FHIT: variants seen among roughly 807,000 people sequenced by gnomAD.
FHIT encodes fragile histidine triad diadenosine triphosphatase, also known as bis(5'-adenosyl)-triphosphatase.
A neutral mutation model predicts 17.9 loss-of-function variants in FHIT; 19 were observed. That is an observed-to-expected ratio of 1.06 (90% confidence interval 0.74 to 1.56). The LOEUF (loss-of-function observed/expected upper bound fraction) is 1.56. Among genes scored for constraint, FHIT ranks in the 40% most tolerant of loss-of-function variants. The probability of loss-of-function intolerance (pLI) is 0.00; values close to 1 mark genes in which losing one functional copy is unlikely to be tolerated. For synonymous variants in FHIT, 81 were observed against 69.7 expected, an observed-to-expected ratio of 1.16 and a Z score of -0.81; for missense variants, 248 against 189.2, an observed-to-expected ratio of 1.31 and a Z score of -1.82.
intron 5 of FHIT, among the ~76,000 whole-genome samples, chr3:60,515,200 G>A (rs1227359296): frequency 1.3e-5 from 2 of 152,192 alleles, no homozygotes; most frequent in Non-Finnish European, 2.9e-5. Context: ...GTGAGCGGAA[G>A]CTGGGAAGAA....
intron 5 of FHIT, among the ~76,000 whole-genome samples, chr3:60,187,572 T>G (rs919917617): frequency 2.0e-5 from 3 of 152,160 alleles, no homozygotes; most frequent in South Asian, 4.1e-4. Flanking sequence ...CTTACAAAAA[T>G]GGCATTCTGC....
At chr3:60,334,653 T>C (rs556237281) in intron 5 of FHIT, among the ~76,000 whole-genome samples, 1 of 152,082 alleles carries the variant, frequency 6.6e-6, no homozygotes, top group Non-Finnish European at 1.5e-5. Flanking sequence ...CAGGTGGGGT[T>C]GTGTGTGCCT....
chr3:60,704,241 G>C (rs1325172634), intron 4 of FHIT, among the ~76,000 whole-genome samples: 1 of 152,072 alleles, frequency 6.6e-6, no homozygotes, highest in African/African-American at 2.4e-5. Context: ...AACCTAGATG[G>C]TTTGTCTTCA....
chr3:61,100,602 T>C (rs2035789045), intron 2 of FHIT, among the ~76,000 whole-genome samples: 1 of 152,226 alleles, frequency 6.6e-6, no homozygotes, highest in African/African-American at 2.4e-5. Flanking sequence ...GGTCAAATGG[T>C]AATTCTAGTT....
At chr3:61,113,921 T>C (rs967128495) in intron 2 of FHIT, among the ~76,000 whole-genome samples, 3 of 152,198 alleles carry the variant, frequency 2.0e-5, no homozygotes, top group African/African-American at 7.2e-5. Flanking sequence ...CTGAGCTGAA[T>C]AGTCTGTTGC....
At chr3:61,081,598 A>G (rs1431948402) in intron 2 of FHIT, among the ~76,000 whole-genome samples, 7 of 152,152 alleles carry the variant, frequency 4.6e-5, no homozygotes, top group Non-Finnish European at 1.0e-4. Context: ...TCCCTCTGAG[A>G]CTTCTGGTAG....
chr3:61,109,767 C>G (rs1200503572), intron 2 of FHIT, among the ~76,000 whole-genome samples: 1 of 152,182 alleles, frequency 6.6e-6, no homozygotes, highest in African/African-American at 2.4e-5. Flanking sequence ...TAGTCTTTCA[C>G]ACAAACACAT....
chr3:59,862,519 C>T (rs927972175), intron 8 of FHIT, among the ~76,000 whole-genome samples: 1 of 152,186 alleles, frequency 6.6e-6, no homozygotes, highest in African/African-American at 2.4e-5. Context: ...TGTCAAATGG[C>T]ACCTTTTTTC....
chr3:60,362,971 T>C (rs1215657532), intron 5 of FHIT, among the ~76,000 whole-genome samples: 1 of 152,174 alleles, frequency 6.6e-6, no homozygotes, highest in Non-Finnish European at 1.5e-5. Context: ...GAAATGTCCT[T>C]TAATTTCTTC....
At chr3:61,198,500 A>C (rs551598442) in intron 2 of FHIT, among the ~76,000 whole-genome samples, 1 of 148,380 alleles carries the variant, frequency 6.7e-6, no homozygotes, top group East Asian at 2.1e-4. Context: ...GCTGTTAGGA[A>C]GGAAAAACAT....
chr3:60,628,050 AC>A (rs1197471972), intron 4 of FHIT, among the ~76,000 whole-genome samples: 1 of 152,172 alleles, frequency 6.6e-6, no homozygotes, highest in Non-Finnish European at 1.5e-5. Context: ...AACATAGGTT[AC>A]TGATTTGAGA....
intron 3 of FHIT, among the ~76,000 whole-genome samples, chr3:61,030,439 T>C (rs887238702): frequency 3.9e-5 from 6 of 152,226 alleles, no homozygotes; most frequent in Admixed American, 3.9e-4. Flanking sequence ...TTAGTTAAAA[T>C]TAAATAAAAT....
intron 4 of FHIT, among the ~76,000 whole-genome samples, chr3:60,572,045 A>G (rs912908636): frequency 6.6e-6 from 1 of 151,622 alleles, no homozygotes; most frequent in Non-Finnish European, 1.5e-5. Context: ...GGGGGGGAAG[A>G]TTTAACAGGC....
chr3:60,015,909 C>T (rs1045210324), intron 5 of FHIT, among the ~76,000 whole-genome samples: 3 of 152,094 alleles, frequency 2.0e-5, no homozygotes, highest in Non-Finnish European at 2.9e-5. Context: ...TTGCATGTTG[C>T]TCCTAGAAAA....
chr3:60,763,450 T>A (rs1699733884), intron 4 of FHIT, among the ~76,000 whole-genome samples: 1 of 152,238 alleles, frequency 6.6e-6, no homozygotes. Context: ...AGTTATTATA[T>A]AGCAGGCAAT....
At chr3:61,116,147 C>A (rs1157285049) in intron 2 of FHIT, among the ~76,000 whole-genome samples, 4 of 151,776 alleles carry the variant, frequency 2.6e-5, no homozygotes, top group African/African-American at 9.7e-5. Context: ...AGTTAAGTCT[C>A]TAGAATGACA....
At chr3:60,092,353 G>A (rs1433644700) in intron 5 of FHIT, among the ~76,000 whole-genome samples, 2 of 152,138 alleles carry the variant, frequency 1.3e-5, no homozygotes, top group Admixed American at 1.3e-4. Context: ...TTCTTCATCT[G>A]GTTCTCAACC....
At chr3:59,857,705 G>GGTTTTTTTTTTTT (rs1322924192) in intron 8 of FHIT, among the ~76,000 whole-genome samples, 4 of 115,436 alleles carry the variant, frequency 3.5e-5, no homozygotes, top group African/African-American at 1.1e-4. Flanking sequence ...AAAGTGCTGG[G>GGTTTTTTTTTTTT]TTTTTTTTTT....
At chr3:60,117,602 G>A (rs1705030741) in intron 5 of FHIT, among the ~76,000 whole-genome samples, 1 of 151,078 alleles carries the variant, frequency 6.6e-6, no homozygotes, top group Admixed American at 6.6e-5. Flanking sequence ...GGAAAAATGT[G>A]AATTATGGTT....
Sources: allele counts gnomAD v4.1 joint callset (sites outside exome capture counted in the v4.1 genomes callset), GRCh38; gene constraint gnomAD v4.1.1; transcripts MANE v1.5; gene names NCBI Gene and HGNC (gene_info 2026-07-23, HGNC 2026-07-21).